IRAK1BP1: variants seen among roughly 807,000 people sequenced by gnomAD.
IRAK1BP1 encodes the protein interleukin-1 receptor-associated kinase 1-binding protein 1.
A neutral mutation model predicts 28.0 loss-of-function variants in IRAK1BP1; 24 were observed. The ratio of observed to expected loss-of-function variants is 0.86; its 90% confidence interval spans 0.62 to 1.20. The LOEUF is 1.20. IRAK1BP1 is among the 50% of genes most tolerant of loss of function. The probability of loss-of-function intolerance (pLI) is 0.00; values close to 1 mark genes in which losing one functional copy is unlikely to be tolerated. For missense variants in IRAK1BP1, 336 were observed against 316.7 expected (o/e 1.06, Z -0.46); for synonymous variants, 131 against 116.3 (o/e 1.13, Z -0.81).
At position 78,912,558 on chromosome 6, in the gene IRAK1BP1, G is replaced by A. The variant is rs181546629; in HGVS notation, c.*67+9448G>A. On this transcript the variant is annotated intron_variant and NMD_transcript_variant, in intron 4 of 4. Coordinates refer to the IRAK1BP1 transcript ENST00000606868. ...CACATACACACCACCACCACCACCA[G>A]CAACAGTGCAGGGAGTGAGCTGCAG... Among the ~76,000 whole-genome samples, 476 of 152,190 alleles carry A rather than the reference G, an allele frequency of 3.1e-3. 3 individuals carry two copies. Among genetic ancestry groups the A allele is most frequent in the African/African-American group, 0.011 (442 of 41,516 alleles).
At chr6:78,948,796 C>A (rs751303934), downstream of IRAK1BP1, among the ~76,000 whole-genome samples, 2 of 152,176 alleles carry the variant, frequency 1.3e-5, no homozygotes, top group Non-Finnish European at 2.9e-5. Context: ...ACCTGGCCTG[C>A]AGCTTTTCAA....
chr6:78,883,222 C>G (rs2127644422), intron 1 of IRAK1BP1, among the ~76,000 whole-genome samples: 1 of 152,258 alleles, frequency 6.6e-6, no homozygotes, highest in East Asian at 1.9e-4. Flanking sequence ...GCTTGTACCA[C>G]TACACTGCAG....
the IRAK1BP1 span, among the ~76,000 whole-genome samples, chr6:78,967,264 C>T: frequency 6.6e-6 from 1 of 152,192 alleles, no homozygotes; most frequent in African/African-American, 2.4e-5. Flanking sequence ...AGTTGTTCCT[C>T]AGATGCATAC....
the IRAK1BP1 span, chr6:78,957,597 T>G: frequency 6.8e-6 from 1 of 146,414 alleles, no homozygotes; most frequent in African/African-American, 2.5e-5. Context: ...AAAAAAAAAC[T>G]GAATAATCCT....
At chr6:78,885,329 A>C in intron 1 of IRAK1BP1, 49 bp from the exon 2 acceptor site, 1 of 1,006,196 alleles carries the variant, frequency 9.9e-7, no homozygotes, top group South Asian at 1.4e-5. Flanking sequence ...TTTTAGAGTA[A>C]TTGCATCAAA....
chr6:78,941,802 A>C (rs1017644140), intron 4 of IRAK1BP1, among the ~76,000 whole-genome samples: 1 of 152,160 alleles, frequency 6.6e-6, no homozygotes, highest in Admixed American at 6.5e-5. Flanking sequence ...ATATATATAT[A>C]TCAATCAAAA....
intron 2 of IRAK1BP1, among the ~76,000 whole-genome samples, chr6:78,887,101 A>G (rs1309960163): frequency 6.6e-6 from 1 of 152,230 alleles, no homozygotes; most frequent in Admixed American, 6.5e-5. Context: ...CTAGAGCCTA[A>G]TGTATAACAC....
At chr6:78,907,209 T>G (rs1272503561), downstream of IRAK1BP1, among the ~76,000 whole-genome samples, 3 of 152,230 alleles carry the variant, frequency 2.0e-5, no homozygotes, top group East Asian at 5.8e-4. Flanking sequence ...CTTAAAATGC[T>G]AGGTGTTTTT....
intron 4 of IRAK1BP1, among the ~76,000 whole-genome samples, chr6:78,932,272 A>C (rs1032723082): frequency 3.3e-5 from 5 of 152,058 alleles, no homozygotes; most frequent in Non-Finnish European, 5.9e-5. Context: ...GTTAAAGTTG[A>C]TATTTTGATC....
rs1429990070 is a variant in IRAK1BP1, at chr6:78,901,421, C to T, written c.*3087C>T. On this transcript the variant is annotated 3_prime_UTR_variant, in exon 4 of 4. Coordinates refer to ENST00000369940, the MANE Select transcript of IRAK1BP1 (RefSeq NM_001010844.4). ...ATTTAATTTCTTGATACATGGCATA[C>T]ACTGGAATCTTATGATGAATTATTT... The T allele has an allele frequency of 1.3e-5, 2 of 151,836 alleles. No homozygotes were observed. Among genetic ancestry groups the T allele is most frequent in the Admixed American group, 6.6e-5 (1 of 15,242 alleles). 9.4% of individuals were successfully genotyped at this position (151,836 alleles called of 1,614,324 possible).
downstream of IRAK1BP1, among the ~76,000 whole-genome samples, chr6:78,907,310 C>A (rs544213045): frequency 2.6e-5 from 4 of 152,022 alleles, no homozygotes; most frequent in Non-Finnish European, 5.9e-5. Context: ...TAGCTTTCTT[C>A]CTAGTTATAC....
chr6:78,969,827 T>C, the IRAK1BP1 span: 38 of 1,390,260 alleles, frequency 2.7e-5, 1 homozygote, highest in Middle Eastern at 3.6e-4. Context: ...TCTAAATAAA[T>C]TACCCACCTA....
chr6:78,885,845 T>C (rs1239417901), intron 2 of IRAK1BP1, among the ~76,000 whole-genome samples: 1 of 152,184 alleles, frequency 6.6e-6, no homozygotes, highest in African/African-American at 2.4e-5. Flanking sequence ...AAATATTGTT[T>C]AAAAATGAAA....
chr6:78,947,852 G>C, downstream of IRAK1BP1: 2 of 933,710 alleles, frequency 2.1e-6, no homozygotes, highest in Non-Finnish European at 3.3e-6. Flanking sequence ...ATTCGCACAG[G>C]ATTTTTATGA....
the IRAK1BP1 span, among the ~76,000 whole-genome samples, chr6:78,970,506 G>A: frequency 5.5e-3 from 837 of 152,132 alleles, 6 homozygotes; most frequent in African/African-American, 0.019. Flanking sequence ...TCAAATTTAC[G>A]AATACAAAGC....
chr6:78,973,655 T>C, the IRAK1BP1 span, among the ~76,000 whole-genome samples: 1 of 146,512 alleles, frequency 6.8e-6, no homozygotes, highest in Non-Finnish European at 1.5e-5. Context: ...GAGACACACA[T>C]AGGCTCAAAA....
rs138694831 is a variant in IRAK1BP1, at chr6:78,885,662, G to A, written c.381+219G>A. ...GAATAAAAACAGCAAGTGGGAAATA[G>A]CAGTTAATTGCCACTAAATACAGTT... On this transcript the variant is annotated intron_variant, in intron 2 of 3. Transcript: ENST00000369940. 5.6e-3 allele frequency among the ~76,000 whole-genome samples: 850 copies of A among 152,192 alleles called. 6 individuals are homozygous for A. The highest frequency in any genetic ancestry group is 0.02 in the African/African-American group (823 of 41,542).
intron 4 of IRAK1BP1, among the ~76,000 whole-genome samples, chr6:78,925,826 T>C (rs949952891): frequency 8.5e-5 from 13 of 152,148 alleles, no homozygotes; most frequent in Admixed American, 8.5e-4. Flanking sequence ...AAAGAAAATA[T>C]GGTACATATA....
chr6:78,872,222 T>G (rs1770818556), intron 1 of IRAK1BP1: 1 of 632,588 alleles, frequency 1.6e-6, no homozygotes, highest in East Asian at 2.9e-5. Flanking sequence ...CAACATATCC[T>G]TTAGTGCCTT....
Sources: gnomAD v4.1 joint callset for allele counts (sites outside exome capture counted in the v4.1 genomes callset) on GRCh38, gnomAD v4.1.1 for gene constraint, MANE v1.5 for transcripts, NCBI Gene and HGNC (gene_info 2026-07-23, HGNC 2026-07-21) for gene names.